Variants in PRKAR1A observed in about 807,000 individuals in gnomAD.
PRKAR1A encodes the protein cAMP-dependent protein kinase type I-alpha regulatory subunit.
PRKAR1A carries 3 observed loss-of-function variants against 52.0 expected under a neutral mutation model. The ratio of observed to expected loss-of-function variants is 0.06; its 90% CI spans 0.03 to 0.15. The LOEUF is 0.15. Ranked by LOEUF, PRKAR1A falls within the 10% of genes least tolerant of loss-of-function variation. PRKAR1A has a pLI of 1.00. For synonymous variants in PRKAR1A, 188 were observed against 168.4 expected, an observed-to-expected ratio of 1.12 and a Z score of -0.90; for missense variants, 240 against 477.4, an observed-to-expected ratio of 0.50 and a Z score of 4.63.
chr17:68,422,883 C>T, the PRKAR1A span, among the ~76,000 whole-genome samples: 6 of 152,178 alleles, frequency 3.9e-5, no homozygotes, highest in East Asian at 5.8e-4. Context: ...CTCATCCTCC[C>T]GAATGTAGCA....
the PRKAR1A span, chr17:68,457,590 C>A: frequency 2.6e-6 from 1 of 390,586 alleles, no homozygotes; most frequent in Admixed American, 5.2e-5. Flanking sequence ...TACCCCGCCC[C>A]GTCCCCGCCG....
the PRKAR1A span, chr17:68,420,736 T>G: frequency 6.4e-6 from 3 of 467,604 alleles, no homozygotes; most frequent in Admixed American, 1.2e-4. Context: ...GCTTTTGAAC[T>G]TGGGCAATTG....
chr17:68,442,529 C>A, the PRKAR1A span, among the ~76,000 whole-genome samples: 1 of 151,484 alleles, frequency 6.6e-6, no homozygotes, highest in Non-Finnish European at 1.5e-5. Context: ...CCTGAAGCAA[C>A]CCTGTCCTCT....
chr17:68,447,541 C>T, the PRKAR1A span, among the ~76,000 whole-genome samples: 1 of 151,818 alleles, frequency 6.6e-6, no homozygotes, highest in Non-Finnish European at 1.5e-5. Context: ...GCCACCATGC[C>T]CAGCTAATTT....
chr17:68,440,888 T>C, the PRKAR1A span: 1 of 152,224 alleles, frequency 6.6e-6, no homozygotes, highest in Admixed American at 6.5e-5. Context: ...CAGGTTACGC[T>C]TTCCGATTTT....
intron 1 of PRKAR1A, among the ~76,000 whole-genome samples, chr17:68,513,750 C>G (rs1450632026): frequency 6.6e-6 from 1 of 152,148 alleles, no homozygotes; most frequent in African/African-American, 2.4e-5. Context: ...CGTATACTGT[C>G]CTATTACCGG....
the PRKAR1A span, chr17:68,434,477 C>A: frequency 6.8e-7 from 1 of 1,472,776 alleles, no homozygotes; most frequent in South Asian, 1.2e-5. Flanking sequence ...CACTCTCTGT[C>A]CTCTCCCTAG....
At chr17:68,471,053 C>T in the PRKAR1A span, among the ~76,000 whole-genome samples, 1 of 151,170 alleles carries the variant, frequency 6.6e-6, no homozygotes, top group African/African-American at 2.5e-5. Context: ...AAAACTAACT[C>T]CTTTTTTTCT....
chr17:68,487,388 T>G, the PRKAR1A span, among the ~76,000 whole-genome samples: 353 of 152,376 alleles, frequency 2.3e-3, 3 homozygotes, highest in Non-Finnish European at 6.2e-4. Context: ...CAATACTTAC[T>G]TAGCCTAACA....
chr17:68,433,053 GATAA>G, the PRKAR1A span, among the ~76,000 whole-genome samples: 1 of 152,312 alleles, frequency 6.6e-6, no homozygotes, highest in South Asian at 2.1e-4. Context: ...TGGCAACAAT[GATAA>G]ATAAATATAT....
chr17:68,475,739 T>C, the PRKAR1A span, among the ~76,000 whole-genome samples: 1,445 of 152,270 alleles, frequency 9.5e-3, 28 homozygotes, highest in African/African-American at 0.033. Flanking sequence ...GGATTACAGT[T>C]GTGAGCCACC....
the PRKAR1A span, among the ~76,000 whole-genome samples, chr17:68,434,855 C>T: frequency 6.6e-6 from 1 of 152,118 alleles, no homozygotes; most frequent in South Asian, 2.1e-4. Flanking sequence ...CAAGGCTCTG[C>T]GTGTATGTGT....
At chr17:68,474,885 AT>A in the PRKAR1A span, among the ~76,000 whole-genome samples, 1 of 152,202 alleles carries the variant, frequency 6.6e-6, no homozygotes, top group Admixed American at 6.5e-5. Context: ...TCTCAAAAAA[AT>A]AAATAAAGAT....
At chr17:68,471,047 C>T in the PRKAR1A span, among the ~76,000 whole-genome samples, 7 of 152,082 alleles carry the variant, frequency 4.6e-5, no homozygotes, top group Non-Finnish European at 8.8e-5. Flanking sequence ...AATAAAAAAA[C>T]TAACTCCTTT....
At chr17:68,497,301 G>A in the PRKAR1A span, among the ~76,000 whole-genome samples, 1 of 152,138 alleles carries the variant, frequency 6.6e-6, no homozygotes, top group Non-Finnish European at 1.5e-5. Flanking sequence ...GTGAGTGGTT[G>A]CAACAAAGAC....
upstream of PRKAR1A, among the ~76,000 whole-genome samples, chr17:68,508,665 C>CT (rs1295531416): frequency 1.3e-5 from 2 of 152,140 alleles, no homozygotes; most frequent in East Asian, 3.8e-4. Context: ...ACCCCTGAAT[C>CT]TAAAATAAAA....
chr17:68,542,276 C>CG (rs2086335438), intron 11 of PRKAR1A: 2 of 1,184,332 alleles, frequency 1.7e-6, no homozygotes, highest in Admixed American at 4.0e-5. Flanking sequence ...ACTCACAGCT[C>CG]GGGAAGAGAA....
At chr17:68,451,848 A>G in the PRKAR1A span, among the ~76,000 whole-genome samples, 1 of 152,256 alleles carries the variant, frequency 6.6e-6, no homozygotes, top group Non-Finnish European at 1.5e-5. Context: ...TCCTGAGCAC[A>G]AAGGTTACGG....
At chr17:68,428,711 A>C in the PRKAR1A span, 1 of 762,508 alleles carries the variant, frequency 1.3e-6, no homozygotes, top group African/African-American at 1.7e-5. Context: ...TTTGCCACTG[A>C]GACTGCCAGT....
Sources: allele counts gnomAD v4.1 joint callset (sites outside exome capture counted in the v4.1 genomes callset), GRCh38; gene constraint gnomAD v4.1.1; transcripts MANE v1.5; gene names NCBI Gene and HGNC (gene_info 2026-07-23, HGNC 2026-07-21).